The following TTLL4 variants were observed in gnomAD, a reference collection of about 807,000 sequenced individuals.
TTLL4 encodes tubulin monoglutamylase TTLL4.
In TTLL4, 85 loss-of-function variants were observed where a neutral mutation model predicts 122.7. That is an observed-to-expected ratio of 0.69 (90% CI 0.58 to 0.83). The LOEUF (loss-of-function observed/expected upper bound fraction) is 0.83, where lower values mean the gene tolerates loss of function less well. Ranked by LOEUF, TTLL4 falls within the 40% of genes least tolerant of loss-of-function variation. The pLI, the probability that TTLL4 is intolerant of heterozygous loss-of-function variation, is 0.00. For synonymous variants in TTLL4, 553 were observed against 563.0 expected, an observed-to-expected ratio of 0.98 and a Z score of 0.25; for missense variants, 1,363 against 1,488.6, an observed-to-expected ratio of 0.92 and a Z score of 1.39.
At chr2:218,715,925 C>T (rs904977591) in intron 1 of TTLL4, among the ~76,000 whole-genome samples, 10 of 152,192 alleles carry the variant, frequency 6.6e-5, no homozygotes, top group African/African-American at 1.2e-4. Flanking sequence ...CCACCACACC[C>T]GGCCTGGAAT....
At chr2:218,718,444 T>C (rs560411305) in intron 1 of TTLL4, among the ~76,000 whole-genome samples, 2 of 151,904 alleles carry the variant, frequency 1.3e-5, no homozygotes, top group South Asian at 4.2e-4. Flanking sequence ...AATGGCGCAA[T>C]CTCGGCTCAC....
intron 17 of TTLL4, 45 bp downstream of exon 17, chr2:218,753,018 A>G (rs1943065320): frequency 1.2e-6 from 2 of 1,613,772 alleles, no homozygotes; most frequent in Non-Finnish European, 1.7e-6. Flanking sequence ...TTAGTGAGAG[A>G]TTAAATCCCA....
intron 2 of TTLL4, among the ~76,000 whole-genome samples, chr2:218,735,025 T>C (rs1041233409): frequency 1.3e-5 from 2 of 152,214 alleles, no homozygotes; most frequent in African/African-American, 4.8e-5. Context: ...TAGCTCATTA[T>C]CATTTTGAAT....
At chr2:218,730,511 G>GTAAATAAA (rs765944381) in intron 2 of TTLL4, among the ~76,000 whole-genome samples, 1 of 150,766 alleles carries the variant, frequency 6.6e-6, no homozygotes, top group Admixed American at 6.6e-5. Flanking sequence ...CTGTCTCAAA[G>GTAAATAAA]TAAATAAATA....
rs1942948666 is a variant in TTLL4 at position 218,749,243 on chromosome 2, C to T, written c.2601-10C>T. On this transcript the variant is annotated splice_polypyrimidine_tract_variant and intron_variant, in intron 13 of 19. Transcript: ENST00000392102. ...AGCTGAACTGAGTACTTCCTCATCC[C>T]CATGACCAGGTCAGAGCCCTATGTG... is the stretch of plus-strand genomic sequence containing the variant. The T allele has an allele frequency of 6.2e-7, 1 of 1,613,890 alleles. No homozygotes were observed. The highest frequency in any genetic ancestry group is 1.3e-5 in the African/African-American group (1 of 74,914).
At chr2:218,743,488 T>C (rs536880180) in intron 5 of TTLL4, among the ~76,000 whole-genome samples, 3 of 152,324 alleles carry the variant, frequency 2.0e-5, no homozygotes, top group South Asian at 2.1e-4. Flanking sequence ...TTGGCTGTTA[T>C]GAATAAAGCT....
At chr2:218,735,134 G>C (rs571602093) in intron 2 of TTLL4, among the ~76,000 whole-genome samples, 2 of 152,304 alleles carry the variant, frequency 1.3e-5, no homozygotes, top group African/African-American at 4.8e-5. Context: ...CATGGCTTCT[G>C]CAGTGTTTGT....
Position 218,753,615 on chromosome 2 carries a change from C to T in TTLL4, c.3290C>T (p.Ser1097Leu). Residue 1097 changes from serine to leucine, a missense_variant, in exon 19 of 20, where the codon TCA becomes TTA. This residue lies in a region of TTLL4 where 596 missense variants were observed against 655.8 expected (regional missense o/e 0.91). Transcript: ENST00000392102. ...WSLPTSLLTI[S>L]KDDVILNAFS... ...CTCCCGACATCACTTCTGACTATCT[C>T]AAAGGATGACGTGATACTCAATGCC... is the stretch of plus-strand genomic sequence containing the variant. 1 of 1,614,176 alleles carries T rather than the reference C, an allele frequency of 6.2e-7. No homozygotes were observed. Among genetic ancestry groups the T allele is most frequent in the Middle Eastern group, 1.7e-4 (1 of 6,060 alleles).
chr2:218,725,101 C>A (rs572994802), intron 1 of TTLL4, among the ~76,000 whole-genome samples: 1 of 152,186 alleles, frequency 6.6e-6, no homozygotes, highest in East Asian at 1.9e-4. Context: ...AAAGATGGGT[C>A]TTGCTATGTT....
At chr2:218,746,442 T>C in intron 8 of TTLL4, 1 of 557,988 alleles carries the variant, frequency 1.8e-6, no homozygotes. Flanking sequence ...ATCTTGGAGT[T>C]TCTTGCCTAT....
At chr2:218,728,867 G>C (rs1424466895) in intron 2 of TTLL4, among the ~76,000 whole-genome samples, 2 of 151,872 alleles carry the variant, frequency 1.3e-5, no homozygotes, top group Admixed American at 1.3e-4. Flanking sequence ...TCTCTCTTCA[G>C]GCACTCTTGA....
chr2:218,751,879 C>T, intron 16 of TTLL4, 73 bp downstream of exon 16: 5 of 880,596 alleles, frequency 5.7e-6, no homozygotes, highest in South Asian at 3.6e-5. Flanking sequence ...CAAAAGCAAA[C>T]AGCTTTTCTT....
chr2:218,717,858 GCA>G (rs1941911203), intron 1 of TTLL4, among the ~76,000 whole-genome samples: 1 of 151,914 alleles, frequency 6.6e-6, no homozygotes, highest in Non-Finnish European at 1.5e-5. Flanking sequence ...GAGTGCAGTG[GCA>G]CAGTCTCGGC....
Position 218,747,558 on chromosome 2 carries a change from C to G in TTLL4, c.2250-39C>G. The G allele has an allele frequency of 6.2e-7, 1 of 1,608,966 alleles. No individual in the cohort carries two copies. Among genetic ancestry groups the G allele is most frequent in the Non-Finnish European group, 8.5e-7 (1 of 1,176,734 alleles). Reference sequence around the variant, plus strand: ...GGCTTGGTTACCCACTGAGCCCCATCATCTGGCTGTATGAGAAGCTGGCCT... The same window carrying G: ...GGCTTGGTTACCCACTGAGCCCCATGATCTGGCTGTATGAGAAGCTGGCCT... On this transcript the variant is annotated intron_variant, in intron 10 of 19. Transcript: ENST00000392102. This position sits in a 1 kb window ranked among gnomAD's most constrained non-coding sequence, Gnocchi z 4.7.
rs762117401 is a variant in TTLL4 at position 218,738,792 on chromosome 2, C to T, written c.1116C>T (p.Val372=). 5.4e-5 allele frequency: 87 copies of T among 1,614,082 alleles called. No individual in the cohort carries two copies. The highest frequency in any genetic ancestry group is 6.4e-5 in the Non-Finnish European group (75 of 1,180,052). Residue 372 remains valine, a synonymous_variant, in exon 3 of 20, where the codon GTC becomes GTT. Coordinates refer to ENST00000392102, the MANE Select transcript of TTLL4 (RefSeq NM_014640.5). ...SFLNPSFQWN[V]LNRSRRWKPP... ...TGAACCCCAGCTTCCAGTGGAATGTCCTCAACAGGAGCAGGCGGTGGAAAC... is the reference window on the plus strand; with the variant it reads ...TGAACCCCAGCTTCCAGTGGAATGTTCTCAACAGGAGCAGGCGGTGGAAAC...
chr2:218,738,420 G>A lies in TTLL4; in HGVS notation c.744G>A (p.Gln248=), dbSNP rs1175546900. The A allele has an allele frequency of 3.1e-6, 5 of 1,614,052 alleles. No homozygotes were observed. Among genetic ancestry groups the A allele is most frequent in the Non-Finnish European group, 4.2e-6 (5 of 1,180,042 alleles). Residue 248 remains glutamine, a synonymous_variant, in exon 3 of 20, where the codon CAG becomes CAA. Coordinates refer to ENST00000392102, the MANE Select transcript of TTLL4 (RefSeq NM_014640.5). ...AGCCAGTATCGCCACCCAAGATCCA[G>A]CCTGTCTCCTGGCATCATTCAGGGG... ...GLKPVSPPKI[Q]PVSWHHSGGT...
In TTLL4 at chr2:218,751,801, G is replaced by C. The variant is rs778102825; in HGVS notation, c.2971G>C (p.Asp991His). Residue 991 changes from aspartate to histidine, a missense_variant, in exon 16 of 20, where the codon GAT (aspartate) becomes CAT (histidine). Asp to His is a moderately conservative substitution (Grantham distance 81). Around this residue, in one of 3 missense-constraint regions of TTLL4, gnomAD observed 596 missense variants for 655.8 expected, o/e 0.91. Transcript: ENST00000392102. ...CTATTATCTGACCCAGAAAATTCCT[G>C]ATCAGGTAGGAGATTGGTCTTCCCC... is the stretch of plus-strand genomic sequence containing the variant. The part of the protein sequence containing the change: ...KAYYLTQKIP[D>H]QDFYASVLDV... 2 of 1,607,656 alleles carry C rather than the reference G, an allele frequency of 1.2e-6. No homozygotes were observed. The highest frequency in any genetic ancestry group is 1.7e-5 in the Admixed American group (1 of 59,692).
intron 1 of TTLL4, among the ~76,000 whole-genome samples, chr2:218,720,567 G>C (rs1167254417): frequency 2.0e-5 from 3 of 151,786 alleles, no homozygotes; most frequent in African/African-American, 7.3e-5. Context: ...CCGGCTATTC[G>C]GGAGGCTGAG....
intron 2 of TTLL4, among the ~76,000 whole-genome samples, chr2:218,730,340 A>AAAAAAAAAAG (rs1942340787): frequency 2.6e-5 from 3 of 116,746 alleles, no homozygotes; most frequent in Non-Finnish European, 3.6e-5. Context: ...AAAAAAAAAA[A>AAAAAAAAAAG]AAAAAAAAAG....
Sources: allele counts gnomAD v4.1 joint callset (sites outside exome capture counted in the v4.1 genomes callset), GRCh38; gene constraint gnomAD v4.1.1; regional missense constraint gnomAD v4.1.1; non-coding constraint Gnocchi (gnomAD v3.1); transcripts MANE v1.5; gene names NCBI Gene and HGNC (gene_info 2026-07-23, HGNC 2026-07-21).